TMEM135: variants seen among roughly 807,000 people sequenced by gnomAD.
The protein encoded by TMEM135 is peroxisomal membrane protein 52.
Under a neutral mutation model 60.3 loss-of-function variants are expected in TMEM135, and 30 were observed. The ratio of observed to expected loss-of-function variants is 0.50; its 90% CI spans 0.37 to 0.68. TMEM135 has a LOEUF of 0.68. Ranked by LOEUF, TMEM135 falls within the 30% of genes least tolerant of loss-of-function variation. TMEM135 has a pLI of 0.00. For synonymous variants in TMEM135, 190 were observed against 186.7 expected (o/e 1.02, Z -0.14); for missense variants, 468 against 548.8 (o/e 0.85, Z 1.47).
chr11:87,067,232 A>AT (rs74381616), intron 1 of TMEM135, among the ~76,000 whole-genome samples: 1 of 147,064 alleles, frequency 6.8e-6, no homozygotes. Flanking sequence ...GTATATATAT[A>AT]TTTTTTTTTC....
intron 4 of TMEM135, among the ~76,000 whole-genome samples, chr11:87,117,125 C>T (rs917587282): frequency 1.3e-5 from 2 of 152,018 alleles, no homozygotes; most frequent in East Asian, 1.9e-4. Flanking sequence ...CCAGCCAAAG[C>T]ATTATGTTTA....
chr11:87,287,501 A>AC (rs1222793708), intron 6 of TMEM135, among the ~76,000 whole-genome samples: 1 of 151,950 alleles, frequency 6.6e-6, no homozygotes, highest in Non-Finnish European at 1.5e-5. Flanking sequence ...ACATGGTGAA[A>AC]CCCCGTCTCT....
At chr11:87,281,558 T>C (rs1386726985) in intron 6 of TMEM135, among the ~76,000 whole-genome samples, 2 of 152,222 alleles carry the variant, frequency 1.3e-5, no homozygotes, top group Non-Finnish European at 2.9e-5. Flanking sequence ...AAATTGTGCT[T>C]TGAATTTTCT....
At chr11:87,251,180 G>A (rs1462002330) in intron 6 of TMEM135, among the ~76,000 whole-genome samples, 2 of 130,364 alleles carry the variant, frequency 1.5e-5, no homozygotes, top group African/African-American at 2.9e-5. Context: ...ATAAATCTGG[G>A]TCAGGGATAG....
At chr11:87,259,855 A>G (rs1941611242) in intron 6 of TMEM135, among the ~76,000 whole-genome samples, 1 of 152,186 alleles carries the variant, frequency 6.6e-6, no homozygotes, top group South Asian at 2.1e-4. Context: ...GGAAGGAAAA[A>G]GTGGGTCTCT....
intron 1 of TMEM135, among the ~76,000 whole-genome samples, chr11:87,062,874 G>A (rs983630826): frequency 1.3e-5 from 2 of 152,032 alleles, no homozygotes; most frequent in East Asian, 1.9e-4. Context: ...TAAACAGCAC[G>A]TTTCTAAACA....
chr11:87,316,570 C>T (rs1942733320), intron 12 of TMEM135, among the ~76,000 whole-genome samples: 1 of 151,914 alleles, frequency 6.6e-6, no homozygotes, highest in Non-Finnish European at 1.5e-5. Flanking sequence ...TGGTGGCTTG[C>T]ACCAGGATGA....
intron 1 of TMEM135, among the ~76,000 whole-genome samples, chr11:87,057,647 A>C (rs916256101): frequency 2.0e-5 from 3 of 152,310 alleles, no homozygotes; most frequent in African/African-American, 7.2e-5. Context: ...AGATAGGTAA[A>C]TATTGGTCTA....
At chr11:87,223,387 G>A (rs142768058) in intron 5 of TMEM135, among the ~76,000 whole-genome samples, 2,234 of 151,930 alleles carry the variant, frequency 0.015, 55 homozygotes, top group African/African-American at 0.051. Context: ...AGCCAGGATG[G>A]TCTCCATCTC....
intron 2 of TMEM135, among the ~76,000 whole-genome samples, chr11:87,070,917 A>C (rs1421915177): frequency 1.3e-5 from 2 of 152,228 alleles, no homozygotes; most frequent in Non-Finnish European, 2.9e-5. Flanking sequence ...GATAACAGCT[A>C]ACACTTTCTG....
intron 8 of TMEM135, among the ~76,000 whole-genome samples, chr11:87,303,218 C>T (rs968086156): frequency 6.6e-6 from 1 of 152,150 alleles, no homozygotes; most frequent in Non-Finnish European, 1.5e-5. Flanking sequence ...TCAGCAGTGG[C>T]ATTAGATTCT....
At chr11:87,246,039 C>A (rs1941260861) in intron 6 of TMEM135, among the ~76,000 whole-genome samples, 1 of 146,062 alleles carries the variant, frequency 6.8e-6, no homozygotes, top group Non-Finnish European at 1.5e-5. Context: ...TCTTTTAGGG[C>A]AGGCCTGGTG....
chr11:87,041,283 ATT>A (rs36088444), intron 1 of TMEM135, among the ~76,000 whole-genome samples: 334 of 145,532 alleles, frequency 2.3e-3, no homozygotes, highest in East Asian at 4.0e-3. Context: ...TTCGGTTCTC[ATT>A]TTTTTTTTTT....
intron 5 of TMEM135, among the ~76,000 whole-genome samples, chr11:87,197,453 A>T (rs973934862): frequency 6.6e-6 from 1 of 152,148 alleles, no homozygotes; most frequent in Non-Finnish European, 1.5e-5. Flanking sequence ...ATATTTGTAT[A>T]TCAGAATCTA....
rs746228144 is a variant in TMEM135 at position 87,324,548 on chromosome 11, T to C, written c.*3215T>C. The C allele has an allele frequency of 1.5e-5, 7 of 452,784 alleles. No individual in the cohort carries two copies. Among genetic ancestry groups the C allele is most frequent in the Non-Finnish European group, 2.6e-5 (6 of 226,586 alleles). The allele number at this position is 452,784 out of a possible 1,614,324, so 28.0% of individuals were successfully genotyped here. A position where few individuals can be genotyped will look rare whatever the true frequency, so the allele number is the denominator to read the frequency against. Reference sequence around the variant, plus strand: ...GCAATTATTTCCCCTCAGTCTCTAATAGCTGGGACAACAGGCATGTGCCAC... The same window carrying C: ...GCAATTATTTCCCCTCAGTCTCTAACAGCTGGGACAACAGGCATGTGCCAC... On this transcript the variant is annotated 3_prime_UTR_variant, in exon 15 of 15. Transcript: ENST00000305494.
chr11:87,205,407 A>T (rs531179547), intron 5 of TMEM135, among the ~76,000 whole-genome samples: 73 of 152,312 alleles, frequency 4.8e-4, no homozygotes, highest in Non-Finnish European at 4.6e-4. Context: ...ATTAGTTTAT[A>T]ATAGATTGGA....
At chr11:87,203,032 C>CAAAAAAAAAAAAA (rs534909524) in intron 5 of TMEM135, among the ~76,000 whole-genome samples, 5 of 33,592 alleles carry the variant, frequency 1.5e-4, no homozygotes, top group African/African-American at 4.4e-4. Flanking sequence ...GACTCCGTCT[C>CAAAAAAAAAAAAA]AAAAAAAAAA....
intron 5 of TMEM135, among the ~76,000 whole-genome samples, chr11:87,159,465 G>T (rs1301294243): frequency 2.0e-5 from 3 of 152,120 alleles, no homozygotes; most frequent in Admixed American, 6.6e-5. Flanking sequence ...AAAGTATAGA[G>T]TGATGTGTAG....
chr11:87,124,460 G>A (rs1164360827), intron 4 of TMEM135, among the ~76,000 whole-genome samples: 2 of 152,138 alleles, frequency 1.3e-5, no homozygotes, highest in Non-Finnish European at 2.9e-5. Flanking sequence ...CTTAGCAGGT[G>A]GGAGGCCGCA....
Sources: allele counts gnomAD v4.1 joint callset (sites outside exome capture counted in the v4.1 genomes callset), GRCh38; gene constraint gnomAD v4.1.1; transcripts MANE v1.5; gene names NCBI Gene and HGNC (gene_info 2026-07-23, HGNC 2026-07-21).